Variants in MICAL2 observed in about 807,000 individuals in gnomAD.
MICAL2 encodes microtubule associated monooxygenase, calponin and LIM domain containing 2, also known as [F-actin]-monooxygenase MICAL2.
A neutral mutation model predicts 127.3 loss-of-function variants in MICAL2; 77 were observed. The ratio of observed to expected loss-of-function variants is 0.60; its 90% CI spans 0.50 to 0.73. The LOEUF is 0.73. Ranked by LOEUF, MICAL2 falls within the 30% of genes least tolerant of loss-of-function variation. The probability of loss-of-function intolerance (pLI) is 0.00; values close to 1 mark genes in which losing one functional copy is unlikely to be tolerated. For missense variants in MICAL2, 1,351 were observed against 1,434.4 expected (o/e 0.94, Z 0.94); for synonymous variants, 570 against 551.1 (o/e 1.03, Z -0.48).
chr11:12,119,990 G>A (rs1850372340), intron 1 of MICAL2, among the ~76,000 whole-genome samples: 1 of 152,234 alleles, frequency 6.6e-6, no homozygotes, highest in Non-Finnish European at 1.5e-5. Context: ...TCCTTGATCA[G>A]TCTAAGGCAG....
chr11:12,330,805 C>CAG lies in MICAL2; in HGVS notation c.5515+3554_5515+3555dup, dbSNP rs1213406245. Among the ~76,000 whole-genome samples the CAG allele has an allele frequency of 2.6e-4, 11 of 42,920 alleles. 1 individual carries two copies. Among genetic ancestry groups the CAG allele is most frequent in the South Asian group, 1.5e-3 (2 of 1,300 alleles). 28.2% of individuals were successfully genotyped at this position (42,920 alleles called of 152,430 possible). A position where few individuals can be genotyped will look rare whatever the true frequency, so the allele number is the denominator to read the frequency against. ...GGACGTGGAGAGAGAGAGAGAGAGA[C>CAG]AGAGAGAGAGAGAGAGGGAGAGACA... On this transcript the variant is annotated intron_variant, in intron 32 of 34. Coordinates refer to the MICAL2 transcript ENST00000646065.
intron 29 of MICAL2, among the ~76,000 whole-genome samples, chr11:12,309,962 C>T (rs1030410953): frequency 1.3e-5 from 2 of 152,034 alleles, no homozygotes; most frequent in African/African-American, 4.8e-5. Context: ...CACTTGTTGG[C>T]CACTTGTATG....
chr11:12,245,977 G>A (rs1376324349), intron 21 of MICAL2, among the ~76,000 whole-genome samples: 1 of 152,224 alleles, frequency 6.6e-6, no homozygotes, highest in Non-Finnish European at 1.5e-5. Flanking sequence ...CTCTGGCCCA[G>A]CCCACTCCAG....
At chr11:12,318,382 A>G (rs549183709) in intron 29 of MICAL2, among the ~76,000 whole-genome samples, 29 of 152,346 alleles carry the variant, frequency 1.9e-4, no homozygotes, top group South Asian at 6.2e-4. Flanking sequence ...CTCTGATTCT[A>G]TCTTTACCTG....
At chr11:12,271,898 G>C (rs1348141190), upstream of MICAL2, among the ~76,000 whole-genome samples, 1 of 152,132 alleles carries the variant, frequency 6.6e-6, no homozygotes, top group African/African-American at 2.4e-5. Flanking sequence ...TTGGCAAAAG[G>C]GGGCCCAGAG....
chr11:12,294,822 C>CTCCTCCTCCTCT (rs1555018692), downstream of MICAL2: 1 of 1,517,514 alleles, frequency 6.6e-7, no homozygotes, highest in South Asian at 1.3e-5. Context: ...CCTCCTCCTC[C>CTCCTCCTCCTCT]TCCTCCTCCT....
intron 1 of MICAL2, among the ~76,000 whole-genome samples, chr11:12,278,586 C>T (rs1319451819): frequency 6.6e-6 from 1 of 152,218 alleles, no homozygotes; most frequent in Non-Finnish European, 1.5e-5. Flanking sequence ...AGTAACATCT[C>T]ATTTACAGTT....
downstream of MICAL2, chr11:12,294,460 C>G: frequency 6.2e-7 from 1 of 1,614,230 alleles, no homozygotes; most frequent in Middle Eastern, 1.6e-4. Context: ...ACCCTGCCCT[C>G]CGCACCCACA....
intron 32 of MICAL2, among the ~76,000 whole-genome samples, chr11:12,342,685 C>T (rs565287389): frequency 1.1e-4 from 16 of 152,170 alleles, no homozygotes; most frequent in East Asian, 1.9e-4. Context: ...ATTTGACATG[C>T]GTCAGCTCAT....
chr11:12,145,306 T>C (rs1000760315), intron 2 of MICAL2, among the ~76,000 whole-genome samples: 3 of 152,168 alleles, frequency 2.0e-5, no homozygotes, highest in African/African-American at 7.2e-5. Context: ...CCTTTGGTGT[T>C]TGGCATAAAC....
At chr11:12,268,834 C>A (rs1446554470) in intron 24 of MICAL2, among the ~76,000 whole-genome samples, 11 of 143,890 alleles carry the variant, frequency 7.6e-5, no homozygotes, top group East Asian at 2.0e-4. Flanking sequence ...ACTAAAAATA[C>A]AAAAAAAAAA....
chr11:12,292,274 C>G (rs748550565), downstream of MICAL2: 2 of 1,614,134 alleles, frequency 1.2e-6, no homozygotes, highest in South Asian at 1.1e-5. Flanking sequence ...TGGGAATGCT[C>G]CAGATGGTTC....
At chr11:12,201,039 G>A (rs1171844349) in intron 3 of MICAL2, among the ~76,000 whole-genome samples, 2 of 152,210 alleles carry the variant, frequency 1.3e-5, no homozygotes, top group Non-Finnish European at 2.9e-5. Context: ...TTGGAGTCGT[G>A]CTTTGAAATG....
intron 15 of MICAL2, among the ~76,000 whole-genome samples, chr11:12,229,039 T>G (rs1857855824): frequency 6.6e-6 from 1 of 152,014 alleles, no homozygotes; most frequent in Non-Finnish European, 1.5e-5. Flanking sequence ...AGTTTCTGAG[T>G]CTCTCTAGGT....
chr11:12,146,826 G>A (rs999847182), intron 2 of MICAL2, among the ~76,000 whole-genome samples: 1 of 152,168 alleles, frequency 6.6e-6, no homozygotes, highest in African/African-American at 2.4e-5. Flanking sequence ...GTCCATCAAT[G>A]ATAGATTAGA....
intron 1 of MICAL2, among the ~76,000 whole-genome samples, chr11:12,120,243 A>C (rs889315848): frequency 5.9e-5 from 9 of 152,236 alleles, no homozygotes; most frequent in Admixed American, 3.3e-4. Flanking sequence ...GGGAAGGACC[A>C]TATGTTGACA....
intron 1 of MICAL2, among the ~76,000 whole-genome samples, chr11:12,121,923 G>A (rs756318368): frequency 2.0e-5 from 3 of 152,214 alleles, no homozygotes; most frequent in Non-Finnish European, 4.4e-5. Context: ...GTATTGATGG[G>A]ATTTGGGGTG....
At chr11:12,240,019 G>A (rs1291052810) in intron 17 of MICAL2, among the ~76,000 whole-genome samples, 3 of 152,236 alleles carry the variant, frequency 2.0e-5, no homozygotes, top group Admixed American at 2.0e-4. Context: ...ACAGTTTGAA[G>A]GAGCTTTGAG....
At chr11:12,257,074 AC>A in intron 24 of MICAL2, 103 bp downstream of exon 24, 1 of 1,211,808 alleles carries the variant, frequency 8.3e-7, no homozygotes, top group Non-Finnish European at 1.1e-6. Context: ...ACCCAAACAT[AC>A]CCAAAAGGAA....
Sources: gnomAD v4.1 joint callset for allele counts (sites outside exome capture counted in the v4.1 genomes callset) on GRCh38, gnomAD v4.1.1 for gene constraint, MANE v1.5 for transcripts, NCBI Gene and HGNC (gene_info 2026-07-23, HGNC 2026-07-21) for gene names.